Variants in CAST observed in about 807,000 individuals in gnomAD.
CAST encodes calpastatin.
A neutral mutation model predicts 119.6 loss-of-function variants in CAST; 76 were observed. The ratio of observed to expected loss-of-function variants is 0.64; its 90% CI spans 0.53 to 0.77. The LOEUF (loss-of-function observed/expected upper bound fraction) is 0.77. CAST is among the 30% of genes least tolerant of loss of function. The probability of loss-of-function intolerance (pLI) is 0.00; values close to 1 mark genes in which losing one functional copy is unlikely to be tolerated. For synonymous variants in CAST, 319 were observed against 331.6 expected, an observed-to-expected ratio of 0.96 and a Z score of 0.41; for missense variants, 953 against 946.5, an observed-to-expected ratio of 1.01 and a Z score of -0.09.
the CAST span, among the ~76,000 whole-genome samples, chr5:96,291,231 G>A: frequency 1.3e-5 from 2 of 152,210 alleles, no homozygotes; most frequent in Admixed American, 6.5e-5. Flanking sequence ...GAAACTGTGT[G>A]AGGTAATAAA....
At chr5:96,558,975 C>T (rs930464109) in intron 1 of CAST, among the ~76,000 whole-genome samples, 11 of 151,884 alleles carry the variant, frequency 7.2e-5, no homozygotes, top group African/African-American at 1.5e-4. Context: ...ACTGGCAAAC[C>T]GAATCCAGCA....
chr5:96,415,313 C>T, the CAST span, among the ~76,000 whole-genome samples: 1 of 152,226 alleles, frequency 6.6e-6, no homozygotes, highest in Admixed American at 6.5e-5. Flanking sequence ...AGAAGTGGCT[C>T]TGTTGTTGTA....
At chr5:96,536,897 G>C (rs1398726000) in intron 1 of CAST, among the ~76,000 whole-genome samples, 1 of 152,088 alleles carries the variant, frequency 6.6e-6, no homozygotes, top group Non-Finnish European at 1.5e-5. Context: ...CAGATATGGG[G>C]CAGGCATGGG....
intron 1 of CAST, among the ~76,000 whole-genome samples, chr5:96,668,991 C>T (rs1179517568): frequency 1.3e-5 from 2 of 152,164 alleles, no homozygotes; most frequent in Non-Finnish European, 2.9e-5. Flanking sequence ...GGGGGTGGGG[C>T]AAAGGGAATA....
upstream of CAST, among the ~76,000 whole-genome samples, chr5:96,528,873 A>T (rs938412646): frequency 3.3e-5 from 5 of 152,158 alleles, no homozygotes; most frequent in African/African-American, 1.2e-4. Flanking sequence ...GTCATTTCTC[A>T]AGTCGTATTT....
chr5:96,480,101 C>G, the CAST span, among the ~76,000 whole-genome samples: 10 of 152,088 alleles, frequency 6.6e-5, no homozygotes, highest in Non-Finnish European at 1.2e-4. Context: ...AAAACATTAA[C>G]CATTTCGGTG....
chr5:96,590,464 C>T (rs1746943839), intron 1 of CAST, among the ~76,000 whole-genome samples: 1 of 152,190 alleles, frequency 6.6e-6, no homozygotes, highest in African/African-American at 2.4e-5. Flanking sequence ...GTGGAATTGA[C>T]TTGGCCAGAA....
the CAST span, among the ~76,000 whole-genome samples, chr5:96,226,454 C>T: frequency 3.9e-5 from 6 of 152,002 alleles, no homozygotes; most frequent in South Asian, 2.1e-4. Flanking sequence ...AGTTCGAGAC[C>T]GGCCTGGGCA....
At chr5:96,008,117 T>C in the CAST span, among the ~76,000 whole-genome samples, 3 of 152,202 alleles carry the variant, frequency 2.0e-5, no homozygotes, top group Admixed American at 2.0e-4. Context: ...AAGAAATAAA[T>C]GCCTGTTGTT....
At chr5:96,130,707 C>G in the CAST span, among the ~76,000 whole-genome samples, 1 of 151,798 alleles carries the variant, frequency 6.6e-6, no homozygotes, top group Non-Finnish European at 1.5e-5. Context: ...AAAAACAACT[C>G]AAAGAGAGGG....
intron 6 of CAST, 96 bp from the exon 7 acceptor site, chr5:96,729,057 C>A: frequency 1.3e-6 from 1 of 782,820 alleles, no homozygotes; most frequent in Non-Finnish European, 2.1e-6. Context: ...CTGAAAAAGG[C>A]AGAATGTTTT....
At chr5:96,412,796 T>C in the CAST span, 1 of 301,640 alleles carries the variant, frequency 3.3e-6, no homozygotes, top group African/African-American at 2.8e-5. Context: ...AAGGCTCTCT[T>C]CCCAGCAAAA....
intron 1 of CAST, among the ~76,000 whole-genome samples, chr5:96,656,756 T>G (rs75553638): frequency 0.044 from 6,751 of 152,226 alleles, 186 homozygotes; most frequent in Middle Eastern, 0.092. Context: ...TGATGGGATC[T>G]GGAATTCTAC....
chr5:96,502,111 G>C, the CAST span, among the ~76,000 whole-genome samples: 1 of 152,140 alleles, frequency 6.6e-6, no homozygotes, highest in African/African-American at 2.4e-5. Context: ...AGATTGATGT[G>C]ATAGTTCCAC....
At chr5:96,358,656 A>C in the CAST span, among the ~76,000 whole-genome samples, 6 of 152,116 alleles carry the variant, frequency 3.9e-5, no homozygotes, top group Non-Finnish European at 8.8e-5. Flanking sequence ...TGAGTTTCTT[A>C]ATCCTGAGTT....
intron 8 of CAST, among the ~76,000 whole-genome samples, chr5:96,730,065 C>T (rs1463566490): frequency 6.6e-6 from 1 of 152,316 alleles, no homozygotes; most frequent in East Asian, 1.9e-4. Context: ...ACCCCCCACA[C>T]CTGGGCTGGG....
At chr5:96,675,777 A>T in intron 2 of CAST, 176 bp downstream of exon 2, 2 of 544,394 alleles carry the variant, frequency 3.7e-6, no homozygotes, top group Non-Finnish European at 6.4e-6. Flanking sequence ...AATAAATAAA[A>T]AAAATTGTTC....
chr5:96,375,434 G>GT, the CAST span, among the ~76,000 whole-genome samples: 38,788 of 129,126 alleles, frequency 0.3, 5,087 homozygotes, highest in South Asian at 0.34. Flanking sequence ...GTGTGTGTGT[G>GT]TGTTTTTTTT....
At chr5:96,748,209 A>G (rs918858517) in intron 18 of CAST, among the ~76,000 whole-genome samples, 1 of 152,228 alleles carries the variant, frequency 6.6e-6, no homozygotes, top group Middle Eastern at 3.2e-3. Flanking sequence ...AAAATTATAC[A>G]GATCTTCATT....
Sources: gnomAD v4.1 joint callset for allele counts (sites outside exome capture counted in the v4.1 genomes callset) on GRCh38, gnomAD v4.1.1 for gene constraint, MANE v1.5 for transcripts, NCBI Gene and HGNC (gene_info 2026-07-23, HGNC 2026-07-21) for gene names.